TEAD4: variants seen among roughly 807,000 people sequenced by gnomAD.
The protein encoded by TEAD4 is transcriptional enhancer factor TEF-3.
A neutral mutation model predicts 52.4 loss-of-function variants in TEAD4; 36 were observed. The ratio of observed to expected loss-of-function variants is 0.69; its 90% CI spans 0.53 to 0.91. The LOEUF (loss-of-function observed/expected upper bound fraction) is 0.91, where lower values mean the gene tolerates loss of function less well. Ranked by LOEUF, TEAD4 falls within the 40% of genes least tolerant of loss-of-function variation. TEAD4 has a pLI of 0.00. For missense variants in TEAD4, 508 were observed against 583.9 expected (o/e 0.87, Z 1.34); for synonymous variants, 220 against 231.0 (o/e 0.95, Z 0.43).
intron 2 of TEAD4, among the ~76,000 whole-genome samples, chr12:2,983,033 CCTT>C (rs1300757279): frequency 6.6e-6 from 1 of 152,136 alleles, no homozygotes; most frequent in Non-Finnish European, 1.5e-5. Context: ...TGGCGGCCCT[CCTT>C]TCCGTCTCCT....
At chr12:3,013,936 C>T (rs916905349) in intron 5 of TEAD4, among the ~76,000 whole-genome samples, 4 of 152,210 alleles carry the variant, frequency 2.6e-5, no homozygotes, top group Non-Finnish European at 5.9e-5. Context: ...TTGAAAGTCC[C>T]TTCTGGCCCT....
chr12:2,969,353 C>G (rs1031646776), intron 2 of TEAD4, among the ~76,000 whole-genome samples: 3 of 152,252 alleles, frequency 2.0e-5, no homozygotes, highest in Admixed American at 2.0e-4. Flanking sequence ...TGTGCAAACA[C>G]TGTACCGTTT....
At chr12:3,021,386 C>T (rs1038059425) in intron 9 of TEAD4, among the ~76,000 whole-genome samples, 1 of 148,474 alleles carries the variant, frequency 6.7e-6, no homozygotes, top group African/African-American at 2.5e-5. Context: ...TCTCAGCTTA[C>T]TGCAACTTCC....
At chr12:2,984,062 G>C (rs150503651) in intron 2 of TEAD4, among the ~76,000 whole-genome samples, 1 of 152,326 alleles carries the variant, frequency 6.6e-6, no homozygotes, top group Non-Finnish European at 1.5e-5. Context: ...TCAGGTAGCA[G>C]CACCTCCACC....
At chr12:2,987,221 G>A (rs1427032845) in intron 2 of TEAD4, among the ~76,000 whole-genome samples, 1 of 152,102 alleles carries the variant, frequency 6.6e-6, no homozygotes, top group East Asian at 1.9e-4. Context: ...GCCTTGGGTG[G>A]GGATCCCCCA....
At chr12:2,986,633 C>G (rs1336537688) in intron 2 of TEAD4, among the ~76,000 whole-genome samples, 1 of 147,324 alleles carries the variant, frequency 6.8e-6, no homozygotes, top group African/African-American at 2.6e-5. Context: ...GAGTGAGACT[C>G]TGTCTCAAAA....
intron 9 of TEAD4, among the ~76,000 whole-genome samples, chr12:3,021,598 G>T (rs1056126206): frequency 6.6e-6 from 1 of 152,142 alleles, no homozygotes; most frequent in Non-Finnish European, 1.5e-5. Context: ...GGTGTGAGCC[G>T]CCGCACCCGG....
At chr12:3,012,876 G>A (rs1312712635) in intron 5 of TEAD4, among the ~76,000 whole-genome samples, 6 of 152,208 alleles carry the variant, frequency 3.9e-5, no homozygotes, top group African/African-American at 1.4e-4. Context: ...GGGAGGTGAT[G>A]ACGACAGAGG....
At chr12:2,979,285 A>G (rs1013774950) in intron 2 of TEAD4, among the ~76,000 whole-genome samples, 20 of 152,082 alleles carry the variant, frequency 1.3e-4, no homozygotes, top group African/African-American at 4.8e-4. Flanking sequence ...CCATTCCTCT[A>G]TTGATGGACA....
intron 5 of TEAD4, 62 bp from the exon 6 acceptor site, chr12:3,017,336 C>T: frequency 1.9e-6 from 3 of 1,608,456 alleles, no homozygotes; most frequent in Non-Finnish European, 2.5e-6. Context: ...AGGGCCGGAC[C>T]TGCCTGGCCT....
intron 5 of TEAD4, among the ~76,000 whole-genome samples, chr12:3,014,965 C>T (rs547483924): frequency 3.3e-5 from 5 of 152,262 alleles, no homozygotes; most frequent in East Asian, 3.9e-4. Flanking sequence ...GGGGAGAGGT[C>T]AGGGGCTGGC....
chr12:2,972,606 TCTC>T (rs199713177), intron 2 of TEAD4, among the ~76,000 whole-genome samples: 4,455 of 148,562 alleles, frequency 0.03, 216 homozygotes, highest in African/African-American at 0.1. Context: ...TTCAAGTAAT[TCTC>T]CTGCCTCAGC....
intron 3 of TEAD4, among the ~76,000 whole-genome samples, chr12:3,009,467 G>A (rs1218150723): frequency 6.6e-6 from 1 of 152,122 alleles, no homozygotes; most frequent in Non-Finnish European, 1.5e-5. Flanking sequence ...AGAAGAGAAG[G>A]CTGAGTGAAA....
intron 3 of TEAD4, among the ~76,000 whole-genome samples, chr12:2,995,240 T>C (rs1278387763): frequency 6.6e-6 from 1 of 151,954 alleles, no homozygotes; most frequent in Admixed American, 6.5e-5. Flanking sequence ...AAAAGGCGAA[T>C]CTGGGTGGGG....
chr12:3,001,423 TG>T (rs1222416169), intron 3 of TEAD4, among the ~76,000 whole-genome samples: 1 of 152,222 alleles, frequency 6.6e-6, no homozygotes, highest in African/African-American at 2.4e-5. Context: ...CTATAGCCGC[TG>T]GTAGCCTGTT....
intron 2 of TEAD4, among the ~76,000 whole-genome samples, chr12:2,973,161 A>C (rs1016041216): frequency 3.6e-4 from 54 of 152,106 alleles, no homozygotes; most frequent in Admixed American, 2.0e-4. Context: ...AGCCTTGACC[A>C]CCCAGGCTCA....
intron 10 of TEAD4, 59 bp downstream of exon 10, chr12:3,022,076 G>C: frequency 6.3e-7 from 1 of 1,584,254 alleles, no homozygotes; most frequent in Non-Finnish European, 8.6e-7. Context: ...AGTGAGAACG[G>C]GGCGAGAGTG....
intron 2 of TEAD4, among the ~76,000 whole-genome samples, chr12:2,983,342 G>A (rs1333353669): frequency 1.3e-5 from 2 of 152,128 alleles, no homozygotes; most frequent in African/African-American, 4.8e-5. Flanking sequence ...ACAGCCTTCC[G>A]GGATGGATCA....
chr12:3,026,535 A>G (rs991681023), intron 10 of TEAD4, among the ~76,000 whole-genome samples: 5 of 152,158 alleles, frequency 3.3e-5, no homozygotes, highest in African/African-American at 1.2e-4. Context: ...CCATCTTCCA[A>G]CCATCAAAAG....
Sources: gnomAD v4.1 joint callset for allele counts (sites outside exome capture counted in the v4.1 genomes callset) on GRCh38, gnomAD v4.1.1 for gene constraint, MANE v1.5 for transcripts, NCBI Gene and HGNC (gene_info 2026-07-23, HGNC 2026-07-21) for gene names.